The following SLC22A15 variants were observed in gnomAD, a reference collection of about 807,000 sequenced individuals.
SLC22A15 encodes the protein solute carrier family 22 member 15, also known as flipt 1.
Under a neutral mutation model 62.7 loss-of-function variants are expected in SLC22A15, and 45 were observed. The ratio of observed to expected loss-of-function variants is 0.72; its 90% CI spans 0.56 to 0.92. The LOEUF (loss-of-function observed/expected upper bound fraction) is 0.92. Among genes scored for constraint, SLC22A15 ranks in the 40% least tolerant of loss-of-function variants. The pLI is 0.00. For missense variants in SLC22A15, 622 were observed against 665.6 expected (o/e 0.93, Z 0.72); for synonymous variants, 264 against 267.0 (o/e 0.99, Z 0.11).
chr1:116,061,685 T>TAA lies in SLC22A15; in HGVS notation c.1172-1066_1172-1065dup, dbSNP rs112599796. On this transcript the variant is annotated intron_variant, in intron 8 of 11. Transcript: ENST00000369503. ...TTGAAGGGGAGAGGTTAAACTTTTC[T>TAA]AAAAAAAAAAAATCATTAAATTGTA... is the stretch of plus-strand genomic sequence containing the variant. Among the ~76,000 whole-genome samples the TAA allele has an allele frequency of 4.8e-4, 70 of 144,532 alleles. No homozygotes were observed. In the East Asian group the frequency reaches 9.9e-3, roughly 20 times the overall value. 94.8% of individuals were successfully genotyped at this position (144,532 alleles called of 152,430 possible).
At chr1:116,005,842 C>A (rs749581141) in intron 2 of SLC22A15, among the ~76,000 whole-genome samples, 14 of 151,988 alleles carry the variant, frequency 9.2e-5, no homozygotes, top group Non-Finnish European at 1.9e-4. Flanking sequence ...TGGGGAGTAC[C>A]CCTAATATAT....
chr1:116,024,642 T>C (rs963817817), intron 4 of SLC22A15, among the ~76,000 whole-genome samples: 4 of 152,118 alleles, frequency 2.6e-5, no homozygotes, highest in African/African-American at 9.7e-5. Flanking sequence ...GGAAAATCAT[T>C]TGGTTAGGAT....
At chr1:116,042,040 C>T (rs549272394) in intron 8 of SLC22A15, among the ~76,000 whole-genome samples, 3 of 150,070 alleles carry the variant, frequency 2.0e-5, no homozygotes, top group Non-Finnish European at 4.4e-5. Flanking sequence ...CATCACGGAA[C>T]AAAGACCAAC....
chr1:116,025,661 C>T (rs1657052164), intron 4 of SLC22A15, among the ~76,000 whole-genome samples: 1 of 152,194 alleles, frequency 6.6e-6, no homozygotes, highest in South Asian at 2.1e-4. Flanking sequence ...AGAACCTGGG[C>T]ACAAGTCCTG....
intron 8 of SLC22A15, among the ~76,000 whole-genome samples, chr1:116,059,150 A>G (rs953582758): frequency 1.3e-5 from 2 of 152,228 alleles, no homozygotes; most frequent in African/African-American, 4.8e-5. Flanking sequence ...ATGCCACAGG[A>G]CACTGATTAA....
chr1:116,041,846 T>C (rs951777130), intron 8 of SLC22A15, among the ~76,000 whole-genome samples: 3 of 152,078 alleles, frequency 2.0e-5, no homozygotes, highest in Non-Finnish European at 4.4e-5. Flanking sequence ...AATCCTTGGA[T>C]TGTTGAATCC....
rs1236975000 is a variant in SLC22A15, at chr1:116,026,988, A to C, written c.694A>C (p.Asn232His). The C allele has an allele frequency of 1.9e-6, 3 of 1,613,914 alleles. No homozygotes were observed. The South Asian group carries it at 3.3e-5, about 18-fold the overall frequency. The change falls in exon 5 of 12, where the codon AAC becomes CAC. Residue 232 changes from asparagine (N) to histidine (H), a missense_variant. Coordinates refer to ENST00000369503, the MANE Select transcript of SLC22A15 (RefSeq NM_018420.3). ...RSWRTLAILV[N>H]LQGTVVFLLS... ...CTGGAGGACCCTAGCCATTCTGGTT[A>C]ACCTGCAGGGAACGGTGGTCTTTCT...
intron 2 of SLC22A15, among the ~76,000 whole-genome samples, chr1:116,018,999 CT>C (rs1656685941): frequency 6.6e-6 from 1 of 152,148 alleles, no homozygotes. Context: ...TTGTTTCCAC[CT>C]TTAGCTATTG....
In SLC22A15 at chr1:116,066,629, C is replaced by A; in HGVS notation, c.1475C>A (p.Thr492Lys). The A allele has an allele frequency of 1.2e-6, 2 of 1,612,018 alleles. No individual in the cohort carries two copies. Among genetic ancestry groups the A allele is most frequent in the Non-Finnish European group, 1.7e-6 (2 of 1,179,172 alleles). ...PETLNSPLLE[T>K]FSDLQVYSYR... ...ACCCTTAACAGTCCGCTGCTAGAAA[C>A]ATTCTCCGACCTTCAGGTGTATTCG... Residue 492 changes from threonine to lysine, a missense_variant, in exon 11 of 12, where the codon ACA becomes AAA. Transcript: ENST00000369503.
intron 1 of SLC22A15, among the ~76,000 whole-genome samples, chr1:115,982,688 T>C (rs6685089): frequency 0.22 from 34,092 of 152,030 alleles, 4,388 homozygotes; most frequent in East Asian, 0.47. Context: ...ATCAGTCTTC[T>C]CAAGCCCAGA....
At chr1:116,018,532 T>C (rs1656659915) in intron 2 of SLC22A15, among the ~76,000 whole-genome samples, 2 of 151,984 alleles carry the variant, frequency 1.3e-5, no homozygotes, top group African/African-American at 4.8e-5. Context: ...GCCCGGCTAA[T>C]TTTTTGTATT....
At chr1:116,024,395 C>A (rs1181990244) in intron 4 of SLC22A15, among the ~76,000 whole-genome samples, 2 of 151,998 alleles carry the variant, frequency 1.3e-5, no homozygotes, top group Non-Finnish European at 2.9e-5. Context: ...TTTACTAGTG[C>A]AAACTGAGCA....
intron 8 of SLC22A15, among the ~76,000 whole-genome samples, chr1:116,041,858 T>C (rs1250739659): frequency 6.6e-6 from 1 of 152,116 alleles, no homozygotes; most frequent in Non-Finnish European, 1.5e-5. Context: ...GTTGAATCCA[T>C]GAATGGTTTG....
chr1:115,995,936 T>C (rs1269535182), intron 2 of SLC22A15, among the ~76,000 whole-genome samples: 1 of 152,208 alleles, frequency 6.6e-6, no homozygotes, highest in East Asian at 1.9e-4. Flanking sequence ...GGGAAAACCA[T>C]AGTATAATAT....
chr1:116,055,890 T>C lies in SLC22A15; in HGVS notation c.1172-6872T>C, dbSNP rs1252722156. On this transcript the variant is annotated intron_variant, in intron 8 of 11. Coordinates refer to ENST00000369503, the MANE Select transcript of SLC22A15 (RefSeq NM_018420.3). ...CTAAAAACTCTCAATAAATTAGGTATTGATGGGACGTATCTCAAAATAATA... is the reference window on the plus strand; with the variant it reads ...CTAAAAACTCTCAATAAATTAGGTACTGATGGGACGTATCTCAAAATAATA... Among the ~76,000 whole-genome samples the C allele has an allele frequency of 1.3e-4, 20 of 149,440 alleles. No individual in the cohort carries two copies. The East Asian group carries it at 3.7e-3, about 28-fold the overall frequency.
At chr1:115,978,092 GA>G in intron 1 of SLC22A15, among the ~76,000 whole-genome samples, 1 of 152,222 alleles carries the variant, frequency 6.6e-6, no homozygotes, top group Non-Finnish European at 1.5e-5. Flanking sequence ...TTGCAACCAT[GA>G]TGCCTGATCT....
intron 4 of SLC22A15, among the ~76,000 whole-genome samples, chr1:116,026,150 A>G (rs1657076139): frequency 6.6e-6 from 1 of 152,172 alleles, no homozygotes; most frequent in Non-Finnish European, 1.5e-5. Flanking sequence ...AAGGTGGCTC[A>G]CGCCTGTAAT....
Position 116,067,305 on chromosome 1 carries a change from T to C in SLC22A15, c.*197T>C. The C allele has an allele frequency of 1.8e-6, 1 of 561,504 alleles. No homozygotes were observed. The highest frequency in any genetic ancestry group is 2.5e-5 in the South Asian group (1 of 40,224). 34.8% of individuals were successfully genotyped at this position (561,504 alleles called of 1,614,324 possible). A position where few individuals can be genotyped will look rare whatever the true frequency, so the allele number is the denominator to read the frequency against. ...TTCATGAAAGACAACATCACTGCAT[T>C]GAGAGAATAGTTGTTAATTTGTTTA... On this transcript the variant is annotated 3_prime_UTR_variant, in exon 12 of 12. Transcript: ENST00000369503.
At chr1:115,983,722 A>G (rs774906333) in intron 1 of SLC22A15, among the ~76,000 whole-genome samples, 3 of 152,158 alleles carry the variant, frequency 2.0e-5, no homozygotes, top group Non-Finnish European at 4.4e-5. Flanking sequence ...AGAATTAAAC[A>G]TGTACCTGGG....
Sources: gnomAD v4.1 joint callset for allele counts (sites outside exome capture counted in the v4.1 genomes callset) on GRCh38, gnomAD v4.1.1 for gene constraint, MANE v1.5 for transcripts, NCBI Gene and HGNC (gene_info 2026-07-23, HGNC 2026-07-21) for gene names.